Variants in KIAA2012 observed in about 807,000 individuals in gnomAD.
KIAA2012 encodes the protein KIAA2012.
KIAA2012 carries 125 observed loss-of-function variants against 150.6 expected under a neutral mutation model. The ratio of observed to expected loss-of-function variants is 0.83; its 90% CI spans 0.72 to 0.96. The LOEUF is 0.96. Among genes scored for constraint, KIAA2012 ranks in the 40% least tolerant of loss-of-function variants. The probability of loss-of-function intolerance (pLI) is 0.00; values close to 1 mark genes in which losing one functional copy is unlikely to be tolerated. For synonymous variants in KIAA2012, 462 were observed against 504.7 expected (o/e 0.92, Z 1.13); for missense variants, 1,219 against 1,354.9 (o/e 0.90, Z 1.57).
chr2:202,102,887 C>T (rs1010791614), intron 7 of KIAA2012, 59 bp from the exon 8 acceptor site: 1 of 1,473,938 alleles, frequency 6.8e-7, no homozygotes, highest in Admixed American at 2.1e-5. Context: ...TCGTTTGCCC[C>T]TGCAGGCAGC....
rs1692242787 is a variant in KIAA2012, at chr2:202,187,061, G to A, written c.2339G>A (p.Arg780Lys). Residue 780 changes from arginine (R) to lysine (K), a missense_variant, in exon 17 of 24, where the codon AGA becomes AAA. Coordinates refer to ENST00000498697, the MANE Select transcript of KIAA2012 (RefSeq NM_001277372.4). ...GAAAGAGAAGGGAAGGCTGAACCAA[G>A]ACTGTTTAGCCAGGAGACATCAGCC... ...PREREGKAEP[R>K]LFSQETSANI... 3.9e-6 allele frequency: 6 copies of A among 1,550,578 alleles called. No homozygotes were observed. The highest frequency in any genetic ancestry group is 5.2e-6 in the Non-Finnish European group (6 of 1,146,992).
At chr2:202,145,868 A>G (rs562546208) in intron 13 of KIAA2012, among the ~76,000 whole-genome samples, 2 of 151,952 alleles carry the variant, frequency 1.3e-5, no homozygotes, top group African/African-American at 4.8e-5. Flanking sequence ...TAGTTTTAGT[A>G]GAGTCGGGGT....
At chr2:202,171,646 C>G (rs1278872276) in intron 15 of KIAA2012, among the ~76,000 whole-genome samples, 1 of 152,078 alleles carries the variant, frequency 6.6e-6, no homozygotes, top group African/African-American at 2.4e-5. Context: ...CCTATGGACT[C>G]CATCCCGAGA....
At chr2:202,125,382 C>T in intron 12 of KIAA2012, 100 bp downstream of exon 12, 1 of 838,656 alleles carries the variant, frequency 1.2e-6, no homozygotes, top group Non-Finnish European at 1.9e-6. Context: ...ACAATTTCTC[C>T]CCAAATATAC....
intron 11 of KIAA2012, chr2:202,116,545 A>T (rs1391580006): frequency 7.1e-6 from 1 of 141,218 alleles, no homozygotes; most frequent in Non-Finnish European, 1.5e-5. Flanking sequence ...GCCTCAAGCA[A>T]TCCTCCCACC....
intron 2 of KIAA2012, among the ~76,000 whole-genome samples, chr2:202,079,455 C>T (rs1689393894): frequency 4.6e-5 from 7 of 152,206 alleles, no homozygotes; most frequent in Admixed American, 4.6e-4. Flanking sequence ...ACTCAGGCCC[C>T]ACCCAGACCT....
chr2:202,189,887 T>A (rs1211866245), intron 18 of KIAA2012, among the ~76,000 whole-genome samples: 1 of 151,880 alleles, frequency 6.6e-6, no homozygotes, highest in Non-Finnish European at 1.5e-5. Context: ...AGCTCAGGGA[T>A]TTGAGACTAG....
chr2:202,179,636 C>T, intron 15 of KIAA2012: 1 of 658,878 alleles, frequency 1.5e-6, no homozygotes, highest in East Asian at 3.5e-5. Context: ...CGGAGAGTAG[C>T]TTCTGTAATG....
chr2:202,115,540 C>T (rs1327799958), intron 11 of KIAA2012: 2 of 152,156 alleles, frequency 1.3e-5, no homozygotes, highest in African/African-American at 2.4e-5. Flanking sequence ...AGCCCCATTC[C>T]TCTCTCTCTT....
chr2:202,134,824 G>C (rs1374661500), intron 12 of KIAA2012, among the ~76,000 whole-genome samples: 1 of 152,192 alleles, frequency 6.6e-6, no homozygotes, highest in Non-Finnish European at 1.5e-5. Context: ...CAAAGTGCTG[G>C]GATTACAGGC....
chr2:202,131,901 T>C (rs12621725), intron 12 of KIAA2012, among the ~76,000 whole-genome samples: 102,020 of 152,094 alleles, frequency 0.67, 34,733 homozygotes, highest in African/African-American at 0.78. Flanking sequence ...AGAGGCCTGG[T>C]GCGGTGGCTC....
chr2:202,205,050 T>C lies in KIAA2012; in HGVS notation c.*73T>C, dbSNP rs1332183732. Reference sequence around the variant, plus strand: ...ATAAGAGTGACTTCCCTAAATGTTATTCAAGGTCCCTTCAGAAATCTGATA... The same window carrying C: ...ATAAGAGTGACTTCCCTAAATGTTACTCAAGGTCCCTTCAGAAATCTGATA... On this transcript the variant is annotated 3_prime_UTR_variant, in exon 24 of 24. Coordinates refer to ENST00000498697, the MANE Select transcript of KIAA2012 (RefSeq NM_001277372.4). The C allele has an allele frequency of 1.3e-5, 2 of 152,252 alleles. No individual in the cohort carries two copies. Among genetic ancestry groups the C allele is most frequent in the African/African-American group, 4.8e-5 (2 of 41,468 alleles). 9.4% of individuals were successfully genotyped at this position (152,252 alleles called of 1,614,324 possible).
chr2:202,108,132 A>T (rs1210934143), intron 9 of KIAA2012, among the ~76,000 whole-genome samples: 1 of 152,210 alleles, frequency 6.6e-6, no homozygotes, highest in Non-Finnish European at 1.5e-5. Context: ...CGGAGGCGAC[A>T]CATATTTATT....
chr2:202,113,304 T>C, intron 10 of KIAA2012, 32 bp from the exon 11 acceptor site: 14 of 1,512,738 alleles, frequency 9.3e-6, no homozygotes, highest in African/African-American at 1.4e-5. Context: ...AACACGGTAC[T>C]GACACTGCCT....
intron 12 of KIAA2012, among the ~76,000 whole-genome samples, chr2:202,135,556 G>A (rs1691041753): frequency 6.6e-6 from 1 of 152,180 alleles, no homozygotes; most frequent in Admixed American, 6.5e-5. Context: ...AATTACCAAG[G>A]TCTTGACCCA....
At chr2:202,130,050 C>T (rs3856504) in intron 12 of KIAA2012, among the ~76,000 whole-genome samples, 97,981 of 151,892 alleles carry the variant, frequency 0.65, 31,779 homozygotes, top group Admixed American at 0.69. Context: ...GATTTCTTTA[C>T]ATATACATAG....
chr2:202,096,948 G>T (rs1689900295), intron 4 of KIAA2012, among the ~76,000 whole-genome samples: 1 of 152,172 alleles, frequency 6.6e-6, no homozygotes, highest in Admixed American at 6.5e-5. Flanking sequence ...ATTCGGCAGA[G>T]GCTTTTCCAC....
intron 2 of KIAA2012, among the ~76,000 whole-genome samples, chr2:202,084,128 GT>G: frequency 6.6e-6 from 1 of 152,138 alleles, no homozygotes; most frequent in East Asian, 1.9e-4. Flanking sequence ...GTGCCTGCCA[GT>G]TCTGGGATTT....
At chr2:202,180,709 C>T (rs1424431136) in intron 15 of KIAA2012, among the ~76,000 whole-genome samples, 8 of 152,098 alleles carry the variant, frequency 5.3e-5, no homozygotes, top group African/African-American at 9.7e-5. Context: ...CGTGTAACCC[C>T]TGCTGCTCAG....
Sources: allele counts gnomAD v4.1 joint callset (sites outside exome capture counted in the v4.1 genomes callset), GRCh38; gene constraint gnomAD v4.1.1; transcripts MANE v1.5; gene names NCBI Gene and HGNC (gene_info 2026-07-23, HGNC 2026-07-21).